Variants in SORCS3 observed in about 807,000 individuals in gnomAD.
The protein encoded by SORCS3 is VPS10 domain-containing receptor SorCS3.
In SORCS3, 57 loss-of-function variants were observed where a neutral mutation model predicts 146.3. The ratio of observed to expected loss-of-function variants is 0.39; its 90% CI spans 0.31 to 0.49. The LOEUF (loss-of-function observed/expected upper bound fraction) is 0.49. Ranked by LOEUF, SORCS3 falls within the 20% of genes least tolerant of loss-of-function variation. SORCS3 has a pLI of 0.92. For synonymous variants in SORCS3, 653 were observed against 618.5 expected, an observed-to-expected ratio of 1.06 and a Z score of -0.83; for missense variants, 1,341 against 1,575.5, an observed-to-expected ratio of 0.85 and a Z score of 2.52.
chr10:105,157,394 G>A (rs1181057842), intron 10 of SORCS3, 110 bp downstream of exon 10: 12 of 1,331,694 alleles, frequency 9.0e-6, no homozygotes, highest in Non-Finnish European at 1.2e-5. Flanking sequence ...GTGGTGCAGA[G>A]CAGTAATTTT....
intron 1 of SORCS3, among the ~76,000 whole-genome samples, chr10:104,702,613 C>T (rs1292116453): frequency 6.6e-6 from 1 of 152,116 alleles, no homozygotes; most frequent in African/African-American, 2.4e-5. Context: ...GTGATGTTTC[C>T]AAGAGCTCCA....
At chr10:104,807,155 A>G (rs1041018469) in intron 1 of SORCS3, among the ~76,000 whole-genome samples, 1 of 138,698 alleles carries the variant, frequency 7.2e-6, no homozygotes, top group Non-Finnish European at 1.7e-5. Flanking sequence ...TCTGCTCTTT[A>G]TAATCTCTTC....
intron 4 of SORCS3, among the ~76,000 whole-genome samples, chr10:105,016,929 C>G (rs2055171593): frequency 1.3e-5 from 2 of 152,096 alleles, no homozygotes; most frequent in African/African-American, 2.4e-5. Context: ...TGAAAACTGC[C>G]TGGGGGAAAG....
At chr10:105,236,003 A>G (rs2056791260) in intron 20 of SORCS3, among the ~76,000 whole-genome samples, 1 of 152,148 alleles carries the variant, frequency 6.6e-6, no homozygotes, top group South Asian at 2.1e-4. Flanking sequence ...ACTTATATTT[A>G]GCATGGGTTG....
chr10:105,093,300 CAT>C (rs1384869915), intron 6 of SORCS3, among the ~76,000 whole-genome samples: 1 of 152,078 alleles, frequency 6.6e-6, no homozygotes, highest in Admixed American at 6.5e-5. Context: ...AAATATAAAA[CAT>C]AGATTTATAA....
chr10:104,828,444 A>G (rs1217979754), intron 1 of SORCS3, among the ~76,000 whole-genome samples: 1 of 152,182 alleles, frequency 6.6e-6, no homozygotes, highest in African/African-American at 2.4e-5. Context: ...TCACTGTTTT[A>G]TATGGGCATG....
intron 7 of SORCS3, among the ~76,000 whole-genome samples, chr10:105,119,398 G>C (rs7071229): frequency 2.0e-5 from 3 of 151,970 alleles, no homozygotes; most frequent in South Asian, 4.1e-4. Flanking sequence ...GGGAAATGTG[G>C]GGTGCGAGCC....
intron 3 of SORCS3, among the ~76,000 whole-genome samples, chr10:104,960,767 A>G (rs1053260039): frequency 6.6e-6 from 1 of 152,180 alleles, no homozygotes; most frequent in Admixed American, 6.5e-5. Context: ...ATCCCTTAAA[A>G]TATCCTAAGT....
At position 104,879,242 on chromosome 10, in the gene SORCS3, G is replaced by C. The variant is rs115872891; in HGVS notation, c.695+36383G>C. Among the ~76,000 whole-genome samples, 859 of 152,262 alleles carry C rather than the reference G, an allele frequency of 5.6e-3. 11 individuals carry two copies. Among genetic ancestry groups the C allele is most frequent in the African/African-American group, 0.016 (650 of 41,550 alleles). On this transcript the variant is annotated intron_variant, in intron 2 of 26. Coordinates refer to ENST00000369701, the MANE Select transcript of SORCS3 (RefSeq NM_014978.3). The stretch of plus-strand genomic sequence containing the variant: ...ACTGGGATAAAATCAAGGTGAAGTA[G>C]GCTGTGTTCCTTTCTGGAGAATCTA...
At chr10:105,027,181 C>T (rs1460466204) in intron 4 of SORCS3, among the ~76,000 whole-genome samples, 3 of 152,148 alleles carry the variant, frequency 2.0e-5, no homozygotes, top group Non-Finnish European at 4.4e-5. Flanking sequence ...TAGGTGACTT[C>T]TTCAGATGTC....
intron 1 of SORCS3, among the ~76,000 whole-genome samples, chr10:104,719,280 A>C (rs2016516403): frequency 1.3e-5 from 2 of 152,016 alleles, no homozygotes; most frequent in African/African-American, 2.4e-5. Context: ...TTCCTTCCTC[A>C]TTATAAGCAT....
chr10:104,971,590 AGCATCTTCCAG>A (rs2054860867), intron 3 of SORCS3, among the ~76,000 whole-genome samples: 1 of 152,160 alleles, frequency 6.6e-6, no homozygotes, highest in Non-Finnish European at 1.5e-5. Flanking sequence ...TCTAAATAGA[AGCATCTTCCAG>A]GCAGCTCAGC....
chr10:104,752,007 G>T (rs2496039), intron 1 of SORCS3, among the ~76,000 whole-genome samples: 103,279 of 127,208 alleles, frequency 0.81, 42,307 homozygotes, highest in East Asian at 0.94. Flanking sequence ...CTGATTAGTT[G>T]CCTTTAAAAG....
At chr10:104,880,636 A>G (rs559274394) in intron 2 of SORCS3, among the ~76,000 whole-genome samples, 14 of 147,834 alleles carry the variant, frequency 9.5e-5, no homozygotes, top group African/African-American at 2.3e-4. Flanking sequence ...ACTTCTGCCA[A>G]TGCCTCCAGC....
At chr10:105,159,168 C>G (rs1007717417) in intron 11 of SORCS3, among the ~76,000 whole-genome samples, 174 bp downstream of exon 11, 1 of 152,118 alleles carries the variant, frequency 6.6e-6, no homozygotes, top group Non-Finnish European at 1.5e-5. Flanking sequence ...GCAAAGAGCT[C>G]CAGACATTTG....
At chr10:104,897,608 T>G (rs187611105) in intron 2 of SORCS3, among the ~76,000 whole-genome samples, 1 of 152,246 alleles carries the variant, frequency 6.6e-6, no homozygotes, top group African/African-American at 2.4e-5. Context: ...ACGATTCCCC[T>G]GCATCCAACC....
At chr10:104,906,181 T>C (rs1208605575) in intron 2 of SORCS3, among the ~76,000 whole-genome samples, 1 of 152,254 alleles carries the variant, frequency 6.6e-6, no homozygotes, top group Non-Finnish European at 1.5e-5. Context: ...GATGCCTTGC[T>C]AAAACTGTCC....
At chr10:104,923,382 A>T (rs750086894) in intron 3 of SORCS3, among the ~76,000 whole-genome samples, 89 of 152,276 alleles carry the variant, frequency 5.8e-4, no homozygotes, top group Non-Finnish European at 1.1e-3. Flanking sequence ...ATATGACTAC[A>T]TGTTGGCTGG....
At position 105,191,916 on chromosome 10, in the gene SORCS3, C is replaced by T. The variant is rs78210767; in HGVS notation, c.2010-8083C>T. 5.8e-3 allele frequency among the ~76,000 whole-genome samples: 883 copies of T among 152,240 alleles called. 6 individuals are homozygous for T. The highest frequency in any genetic ancestry group is 0.02 in the African/African-American group (839 of 41,538). Reference sequence around the variant, plus strand: ...CATTTAATATATTTCAACATGTTGACCATACACTGAGCCAAATACAATGTC... The same window carrying T: ...CATTTAATATATTTCAACATGTTGATCATACACTGAGCCAAATACAATGTC... On this transcript the variant is annotated intron_variant, in intron 14 of 26. Transcript: ENST00000369701.
Sources: gnomAD v4.1 joint callset for allele counts (sites outside exome capture counted in the v4.1 genomes callset) on GRCh38, gnomAD v4.1.1 for gene constraint, MANE v1.5 for transcripts, NCBI Gene and HGNC (gene_info 2026-07-23, HGNC 2026-07-21) for gene names.